Variants in PRKN observed in about 807,000 individuals in gnomAD.
The protein encoded by PRKN is parkin RBR E3 ubiquitin protein ligase, also known as E3 ubiquitin-protein ligase parkin.
A neutral mutation model predicts 59.5 loss-of-function variants in PRKN; 56 were observed. That is an observed-to-expected ratio of 0.94 (90% CI 0.76 to 1.18). The LOEUF (loss-of-function observed/expected upper bound fraction) is 1.18, where lower values mean the gene tolerates loss of function less well. Among genes scored for constraint, PRKN ranks in the 50% most tolerant of loss-of-function variants. The pLI is 0.00. For missense variants in PRKN, 657 were observed against 596.4 expected (o/e 1.10, Z -1.06); for synonymous variants, 250 against 222.1 (o/e 1.13, Z -1.12).
intron 2 of PRKN, among the ~76,000 whole-genome samples, chr6:162,318,001 C>T (rs1042877781): frequency 6.6e-6 from 1 of 151,950 alleles, no homozygotes; most frequent in Non-Finnish European, 1.5e-5. Context: ...CCAACCAACA[C>T]CACCATCCAA....
chr6:161,759,077 T>A (rs1789076583), intron 7 of PRKN, among the ~76,000 whole-genome samples: 1 of 151,826 alleles, frequency 6.6e-6, no homozygotes, highest in South Asian at 2.1e-4. Context: ...CTCAGGAGGC[T>A]GAGGCAGGAG....
chr6:161,768,538 A>G (rs1460346548), intron 7 of PRKN, among the ~76,000 whole-genome samples: 1 of 152,194 alleles, frequency 6.6e-6, no homozygotes, highest in African/African-American at 2.4e-5. Context: ...ACATTTAAAC[A>G]CATGGAAAAC....
chr6:161,675,270 C>T (rs549231970), intron 7 of PRKN, among the ~76,000 whole-genome samples: 7 of 152,192 alleles, frequency 4.6e-5, no homozygotes, highest in Admixed American at 4.6e-4. Context: ...CAACAGATTC[C>T]CTCCCTGGGC....
chr6:161,861,775 C>G (rs1204329546), intron 6 of PRKN, among the ~76,000 whole-genome samples: 1 of 152,060 alleles, frequency 6.6e-6, no homozygotes, highest in Non-Finnish European at 1.5e-5. Context: ...CTTTCAAAAA[C>G]CTGATAGTAA....
intron 5 of PRKN, among the ~76,000 whole-genome samples, chr6:161,978,863 G>A (rs1781152762): frequency 6.6e-6 from 1 of 152,240 alleles, no homozygotes; most frequent in African/African-American, 2.4e-5. Flanking sequence ...TAGGGAAGCA[G>A]AGTATTCTGG....
intron 7 of PRKN, among the ~76,000 whole-genome samples, chr6:161,775,635 T>C (rs1789892313): frequency 6.6e-6 from 1 of 152,220 alleles, no homozygotes; most frequent in South Asian, 2.1e-4. Flanking sequence ...TTTTAATATA[T>C]TTACCTAGTT....
intron 6 of PRKN, among the ~76,000 whole-genome samples, chr6:161,963,980 G>T (rs1258150203): frequency 6.6e-6 from 1 of 152,056 alleles, no homozygotes; most frequent in Non-Finnish European, 1.5e-5. Flanking sequence ...GGACAACAGC[G>T]AGTTCAACTT....
chr6:162,414,396 A>G (rs1246332546), intron 2 of PRKN, among the ~76,000 whole-genome samples: 1 of 151,904 alleles, frequency 6.6e-6, no homozygotes, highest in African/African-American at 2.4e-5. Context: ...AGGTGTTATG[A>G]TGACCATGAA....
intron 1 of PRKN, among the ~76,000 whole-genome samples, chr6:162,694,326 T>C (rs1777894377): frequency 6.6e-6 from 1 of 150,470 alleles, no homozygotes; most frequent in African/African-American, 2.5e-5. Context: ...CTCTATTGCT[T>C]CTCTCATTCT....
chr6:162,629,651 C>T (rs919532897), intron 1 of PRKN, among the ~76,000 whole-genome samples: 4 of 152,060 alleles, frequency 2.6e-5, no homozygotes, highest in African/African-American at 4.8e-5. Flanking sequence ...TGGTAGCCTA[C>T]GACACGCAAT....
intron 3 of PRKN, among the ~76,000 whole-genome samples, chr6:162,255,941 C>A (rs1779622661): frequency 6.6e-6 from 1 of 152,126 alleles, no homozygotes; most frequent in Non-Finnish European, 1.5e-5. Flanking sequence ...ATCACAACCC[C>A]ACTGATGCAC....
chr6:161,621,840 A>T (rs944749493), intron 7 of PRKN, among the ~76,000 whole-genome samples: 1 of 152,154 alleles, frequency 6.6e-6, no homozygotes, highest in Non-Finnish European at 1.5e-5. Context: ...GTGCTCTACA[A>T]CATAGGCCAC....
chr6:162,360,342 G>A (rs1190936417), intron 2 of PRKN, among the ~76,000 whole-genome samples: 1 of 151,930 alleles, frequency 6.6e-6, no homozygotes, highest in African/African-American at 2.4e-5. Flanking sequence ...CGTTTACTTG[G>A]ACAATGCCAC....
At chr6:161,630,107 A>G (rs1469813809) in intron 7 of PRKN, among the ~76,000 whole-genome samples, 1 of 152,192 alleles carries the variant, frequency 6.6e-6, no homozygotes, top group Non-Finnish European at 1.5e-5. Flanking sequence ...AATTTGATTG[A>G]ATTTCACCCT....
chr6:161,874,368 AATATT>A (rs1562354969), intron 6 of PRKN, among the ~76,000 whole-genome samples: 1 of 92,190 alleles, frequency 1.1e-5, no homozygotes, highest in Non-Finnish European at 1.9e-5. Flanking sequence ...TTATATGTAA[AATATT>A]ATATATAAAA....
In PRKN at chr6:161,537,553, A is replaced by G. The variant is rs558617194; in HGVS notation, c.1083+11301T>C. ...TGCAAGCTCTGCCTCCCAGGTTCAC[A>G]CCATTCTCCTGCCTCAGCCTCCGGA... On this transcript the variant is annotated intron_variant, in intron 9 of 11. Coordinates refer to ENST00000366898, the MANE Select transcript of PRKN (RefSeq NM_004562.3). 7.3e-5 allele frequency among the ~76,000 whole-genome samples: 11 copies of G among 150,874 alleles called. No individual in the cohort carries two copies. In the East Asian group the frequency reaches 1.4e-3, roughly 19 times the overall value.
At chr6:162,331,760 G>A (rs1182881071) in intron 2 of PRKN, among the ~76,000 whole-genome samples, 1 of 152,126 alleles carries the variant, frequency 6.6e-6, no homozygotes, top group African/African-American at 2.4e-5. Context: ...TTTCCTAAAA[G>A]CCATAGTACG....
At chr6:162,389,163 T>A (rs1353673548) in intron 2 of PRKN, among the ~76,000 whole-genome samples, 3 of 152,066 alleles carry the variant, frequency 2.0e-5, no homozygotes, top group Non-Finnish European at 4.4e-5. Context: ...GTTCTCCAAA[T>A]GCCTCCTAGC....
intron 2 of PRKN, among the ~76,000 whole-genome samples, chr6:162,360,945 G>A (rs1444358216): frequency 1.3e-5 from 2 of 152,168 alleles, no homozygotes; most frequent in African/African-American, 4.8e-5. Flanking sequence ...TGACAGCTTT[G>A]ATCTTTACTG....
Sources: allele counts gnomAD v4.1 joint callset (sites outside exome capture counted in the v4.1 genomes callset), GRCh38; gene constraint gnomAD v4.1.1; transcripts MANE v1.5; gene names NCBI Gene and HGNC (gene_info 2026-07-23, HGNC 2026-07-21).